SLC44A5: variants seen among roughly 807,000 people sequenced by gnomAD.
The protein encoded by SLC44A5 is solute carrier family 44 member 5.
Under a neutral mutation model 101.8 loss-of-function variants are expected in SLC44A5, and 57 were observed. That is an observed-to-expected ratio of 0.56 (90% confidence interval 0.45 to 0.70). SLC44A5 has a LOEUF of 0.70. Ranked by LOEUF, SLC44A5 falls within the 30% of genes least tolerant of loss-of-function variation. SLC44A5 has a pLI of 0.00. For missense variants in SLC44A5, 737 were observed against 853.1 expected (o/e 0.86, Z 1.70); for synonymous variants, 281 against 290.9 (o/e 0.97, Z 0.35).
At chr1:75,251,069 A>G (rs2100645908) in intron 7 of SLC44A5, 141 bp downstream of exon 7, 1 of 679,098 alleles carries the variant, frequency 1.5e-6, no homozygotes, top group Middle Eastern at 2.6e-4. Context: ...GCTCATACTT[A>G]TATCTTCCCA....
the SLC44A5 span, among the ~76,000 whole-genome samples, chr1:75,698,354 C>G: frequency 6.6e-6 from 1 of 152,172 alleles, no homozygotes; most frequent in Non-Finnish European, 1.5e-5. Context: ...CCCTGATCCC[C>G]GAGCAGCCTA....
chr1:75,639,549 G>A, the SLC44A5 span, among the ~76,000 whole-genome samples: 2 of 152,042 alleles, frequency 1.3e-5, no homozygotes, highest in Non-Finnish European at 2.9e-5. Context: ...GCCCTTAGAA[G>A]CATGCAGCCT....
chr1:75,634,713 G>C, the SLC44A5 span, among the ~76,000 whole-genome samples: 2 of 151,290 alleles, frequency 1.3e-5, no homozygotes, highest in South Asian at 2.1e-4. Flanking sequence ...AAAAACCCTA[G>C]AAGAAAACCT....
At chr1:75,366,106 T>A (rs1282952200) in intron 3 of SLC44A5, among the ~76,000 whole-genome samples, 1 of 152,244 alleles carries the variant, frequency 6.6e-6, no homozygotes, top group Non-Finnish European at 1.5e-5. Context: ...TAGAATATTC[T>A]GAATTTGCCT....
chr1:75,485,955 T>C (rs1668129416), intron 2 of SLC44A5, among the ~76,000 whole-genome samples: 1 of 152,182 alleles, frequency 6.6e-6, no homozygotes, highest in African/African-American at 2.4e-5. Flanking sequence ...AGAAATCCAC[T>C]CCATGATCCA....
At chr1:75,399,435 C>T (rs1662334459) in intron 2 of SLC44A5, among the ~76,000 whole-genome samples, 1 of 152,066 alleles carries the variant, frequency 6.6e-6, no homozygotes, top group Non-Finnish European at 1.5e-5. Flanking sequence ...GTGAGATATT[C>T]TCGAGGGCAA....
intron 4 of SLC44A5, among the ~76,000 whole-genome samples, chr1:75,326,121 TGTGTATA>T (rs1174202720): frequency 6.6e-6 from 1 of 150,584 alleles, no homozygotes; most frequent in Non-Finnish European, 1.5e-5. Flanking sequence ...TGTGTGTGTG[TGTGTATA>T]ATATTTTATA....
chr1:75,316,199 T>G (rs1159899911), intron 4 of SLC44A5, among the ~76,000 whole-genome samples: 3 of 152,242 alleles, frequency 2.0e-5, no homozygotes, highest in African/African-American at 4.8e-5. Context: ...CACTCTCACA[T>G]ACAACCTTTG....
At chr1:75,373,642 T>A (rs943432717) in intron 3 of SLC44A5, among the ~76,000 whole-genome samples, 1 of 152,094 alleles carries the variant, frequency 6.6e-6, no homozygotes, top group Non-Finnish European at 1.5e-5. Flanking sequence ...CTGCCTTTCC[T>A]GCAGGAGCAG....
intron 2 of SLC44A5, among the ~76,000 whole-genome samples, chr1:75,509,317 G>T (rs1161652707): frequency 6.6e-6 from 1 of 152,160 alleles, no homozygotes; most frequent in Non-Finnish European, 1.5e-5. Flanking sequence ...AGTGTGATTC[G>T]TATTTCTGAA....
rs549500286 is a variant in SLC44A5, at chr1:75,596,085, T to C, written c.-70+14955A>G. ...TAACCAATTGGTACAAGTCCCTGAA[T>C]ATATTAATAGCAAATTCACTTTTTC... On this transcript the variant is annotated intron_variant, in intron 1 of 23. Coordinates refer to ENST00000370859, the MANE Select transcript of SLC44A5 (RefSeq NM_001130058.2). 9.2e-5 allele frequency among the ~76,000 whole-genome samples: 14 copies of C among 152,224 alleles called. No individual in the cohort carries two copies. In the East Asian group the frequency reaches 2.5e-3, roughly 27 times the overall value.
At chr1:75,337,145 A>G (rs923083879) in intron 4 of SLC44A5, among the ~76,000 whole-genome samples, 1 of 148,948 alleles carries the variant, frequency 6.7e-6, no homozygotes, top group African/African-American at 2.4e-5. Flanking sequence ...TCATCCTTGT[A>G]TTTATCCCTG....
At chr1:75,395,319 G>C (rs925289986) in intron 3 of SLC44A5, among the ~76,000 whole-genome samples, 3 of 152,048 alleles carry the variant, frequency 2.0e-5, no homozygotes, top group Admixed American at 2.0e-4. Flanking sequence ...GCACAAAAAA[G>C]ACTTGACCTC....
the SLC44A5 span, among the ~76,000 whole-genome samples, chr1:75,675,228 T>C: frequency 6.6e-6 from 1 of 152,250 alleles, no homozygotes; most frequent in African/African-American, 2.4e-5. Flanking sequence ...ACAATATTCA[T>C]ACTTCCTGTC....
chr1:75,641,975 G>C, the SLC44A5 span: 1 of 1,571,456 alleles, frequency 6.4e-7, no homozygotes, highest in African/African-American at 1.4e-5. Flanking sequence ...TTCTGGTGGA[G>C]AATCATCTTC....
At chr1:75,593,828 G>A (rs1052459962) in intron 1 of SLC44A5, among the ~76,000 whole-genome samples, 4 of 151,928 alleles carry the variant, frequency 2.6e-5, no homozygotes, top group African/African-American at 9.7e-5. Flanking sequence ...AGTTACCAAA[G>A]GCTGAGAAGG....
At chr1:75,442,950 C>A (rs1469347037) in intron 2 of SLC44A5, among the ~76,000 whole-genome samples, 1 of 152,082 alleles carries the variant, frequency 6.6e-6, no homozygotes, top group Non-Finnish European at 1.5e-5. Context: ...TGCATACTTC[C>A]ACATACTTCT....
At chr1:75,582,312 A>T in intron 1 of SLC44A5, 1 of 1,498,036 alleles carries the variant, frequency 6.7e-7, no homozygotes, top group Non-Finnish European at 9.1e-7. Context: ...AAGGCTATCA[A>T]GGCCCTGGTA....
At chr1:75,616,363 G>C in the SLC44A5 span, among the ~76,000 whole-genome samples, 2 of 152,236 alleles carry the variant, frequency 1.3e-5, no homozygotes, top group African/African-American at 4.8e-5. Context: ...GGAGCTGCTG[G>C]GGGGCGCGGA....
Sources: allele counts gnomAD v4.1 joint callset (sites outside exome capture counted in the v4.1 genomes callset), GRCh38; gene constraint gnomAD v4.1.1; transcripts MANE v1.5; gene names NCBI Gene and HGNC (gene_info 2026-07-23, HGNC 2026-07-21).